The following SYCP1 variants were observed in gnomAD, a reference collection of about 807,000 sequenced individuals.
SYCP1 encodes cancer/testis antigen 8.
Under a neutral mutation model 153.1 loss-of-function variants are expected in SYCP1, and 64 were observed. The ratio of observed to expected loss-of-function variants is 0.42; its 90% CI spans 0.34 to 0.51. The LOEUF is 0.51. Among genes scored for constraint, SYCP1 ranks in the 20% least tolerant of loss-of-function variants. SYCP1 has a pLI of 0.06. For synonymous variants in SYCP1, 384 were observed against 341.8 expected (o/e 1.12, Z -1.36); for missense variants, 997 against 1,049.0 (o/e 0.95, Z 0.68).
intron 9 of SYCP1, among the ~76,000 whole-genome samples, chr1:114,875,174 A>ATGTG (rs60673306): frequency 2.0e-3 from 284 of 139,640 alleles, no homozygotes; most frequent in Middle Eastern, 3.4e-3. Flanking sequence ...TGTATTTGAT[A>ATGTG]TGTGTGTGTG....
chr1:114,989,844 T>G (rs907246980), intron 30 of SYCP1, among the ~76,000 whole-genome samples: 8 of 151,980 alleles, frequency 5.3e-5, no homozygotes, highest in Non-Finnish European at 2.9e-5. Flanking sequence ...ACAGACCTTC[T>G]AAATATATGA....
At chr1:114,994,240 G>C (rs1000921544) in intron 30 of SYCP1, among the ~76,000 whole-genome samples, 3 of 151,292 alleles carry the variant, frequency 2.0e-5, no homozygotes, top group African/African-American at 7.3e-5. Context: ...TATATATCCA[G>C]AAGTGGAATT....
At chr1:114,958,602 T>C (rs1048263720) in intron 27 of SYCP1, among the ~76,000 whole-genome samples, 3 of 151,962 alleles carry the variant, frequency 2.0e-5, no homozygotes, top group South Asian at 2.1e-4. Flanking sequence ...TAGTAATTTA[T>C]CTTTTTATTA....
At chr1:114,983,195 C>T (rs749703984) in intron 29 of SYCP1, among the ~76,000 whole-genome samples, 1 of 151,960 alleles carries the variant, frequency 6.6e-6, no homozygotes, top group Non-Finnish European at 1.5e-5. Flanking sequence ...TCAGGACCTT[C>T]CTGAGCCTAT....
At chr1:114,900,775 T>C (rs754798115) in intron 16 of SYCP1, among the ~76,000 whole-genome samples, 1 of 152,152 alleles carries the variant, frequency 6.6e-6, no homozygotes, top group Non-Finnish European at 1.5e-5. Context: ...TAATTAAGGG[T>C]GTGGTTAGTT....
In SYCP1 at chr1:114,975,817, G is replaced by A. The variant is rs546834064; in HGVS notation, c.2323-1740G>A. ...CAATGTGAAATTTGTTTACTATCTT[G>A]ATATGGAGAGAGAGATTCAAAGTTG... On this transcript the variant is annotated intron_variant, in intron 27 of 31. Coordinates refer to ENST00000369522, the MANE Select transcript of SYCP1 (RefSeq NM_003176.4). Among the ~76,000 whole-genome samples, 3 of 151,888 alleles carry A rather than the reference G, an allele frequency of 2.0e-5. No individual in the cohort carries two copies. In the South Asian group the frequency reaches 6.2e-4, roughly 31 times the overall value.
At chr1:114,873,375 C>T (rs1665290402) in intron 8 of SYCP1, among the ~76,000 whole-genome samples, 1 of 152,086 alleles carries the variant, frequency 6.6e-6, no homozygotes. Flanking sequence ...ACTCCTCAGC[C>T]CTTGCATCCC....
intron 27 of SYCP1, among the ~76,000 whole-genome samples, chr1:114,969,471 A>G (rs1456927763): frequency 6.6e-6 from 1 of 152,104 alleles, no homozygotes; most frequent in Non-Finnish European, 1.5e-5. Context: ...AGCCTCAGTA[A>G]TGGTGGACTC....
chr1:114,878,790 G>A (rs534340702), intron 12 of SYCP1, among the ~76,000 whole-genome samples: 17 of 152,238 alleles, frequency 1.1e-4, no homozygotes, highest in Admixed American at 9.2e-4. Context: ...TGGTCCACCC[G>A]CCTCAGCCTC....
intron 23 of SYCP1, among the ~76,000 whole-genome samples, chr1:114,927,627 G>A (rs1669341642): frequency 6.6e-6 from 1 of 152,064 alleles, no homozygotes; most frequent in Non-Finnish European, 1.5e-5. Context: ...GGTCCTAATA[G>A]TAGATTGAAT....
chr1:114,944,387 G>C lies in SYCP1; in HGVS notation c.1975G>C (p.Glu659Gln), dbSNP rs746684831. ...AGAAAGTGCCAAACAGAAATTTGGA[G>C]AAATCACAGACACCTATCAGAAAGA... ...ELESAKQKFG[E>Q]ITDTYQKEIE... Residue 659 changes from glutamate (E) to glutamine (Q), a missense_variant, in exon 24 of 32, where the codon GAA becomes CAA. Coordinates refer to ENST00000369522, the MANE Select transcript of SYCP1 (RefSeq NM_003176.4). 1 of 1,605,924 alleles carries C rather than the reference G, an allele frequency of 6.2e-7. No homozygotes were observed. The highest frequency in any genetic ancestry group is 1.1e-5 in the South Asian group (1 of 89,550).
chr1:114,876,008 A>T (rs1205706549), intron 9 of SYCP1, 61 bp from the exon 10 acceptor site: 1 of 1,134,212 alleles, frequency 8.8e-7, no homozygotes, highest in African/African-American at 1.6e-5. Flanking sequence ...TAATATTTTC[A>T]TAGTTTGAAG....
rs1466653803 is a variant in SYCP1, at chr1:114,995,066, T to C, written c.*47T>C. On this transcript the variant is annotated 3_prime_UTR_variant, in exon 32 of 32. Transcript: ENST00000369522. ...AAGGAGCCTAATAACGTGAAACTTA[T>C]AGTTAATATTTTGTTCTTATTTGCC... is the stretch of plus-strand genomic sequence containing the variant. 1.3e-6 allele frequency: 2 copies of C among 1,493,520 alleles called. No individual in the cohort carries two copies. Among genetic ancestry groups the C allele is most frequent in the Non-Finnish European group, 1.8e-6 (2 of 1,122,262 alleles). The allele number at this position is 1,493,520 out of a possible 1,614,324, so 92.5% of individuals were successfully genotyped here.
Position 114,878,112 on chromosome 1 carries a change from C to T in SYCP1, c.820C>T (p.Gln274Ter). ...KEKQVSLLLI[Q>*]ITEKENKMKD... ...ATTTTAGGTATCACTACTATTGATC[C>T]AAATCACTGAGAAAGAAAATAAAAT... Residue 274 changes from glutamine to a stop codon, truncating the protein, a stop_gained, in exon 12 of 32, where the codon CAA becomes TAA. Transcript: ENST00000369522. LOFTEE classifies it high-confidence loss of function. 6.4e-7 allele frequency: 1 copy of T among 1,573,868 alleles called. No homozygotes were observed. The highest frequency in any genetic ancestry group is 8.7e-7 in the Non-Finnish European group (1 of 1,151,780).
In SYCP1 at chr1:114,856,566, T is replaced by C. The variant is rs530013717; in HGVS notation, c.109-7T>C. The C allele has an allele frequency of 1.9e-6, 3 of 1,603,936 alleles. No homozygotes were observed. ...CAGAATATTTAAGAACTTCTTTGTG[T>C]CTCTAGAGTTTCAACAAATGTACTG... On this transcript the variant is annotated splice_region_variant and splice_polypyrimidine_tract_variant and intron_variant, in intron 2 of 31. Coordinates refer to ENST00000369522, the MANE Select transcript of SYCP1 (RefSeq NM_003176.4).
rs200256775 is a variant in SYCP1, at chr1:114,946,399, T to C, written c.2247+18T>C. On this transcript the variant is annotated intron_variant, in intron 26 of 31. Transcript: ENST00000369522. ...CATCTTTGGTGAGATACAGAAAAAA[T>C]TGCAGTAACGGCCAGTTTTCATAAT... The C allele has an allele frequency of 1.8e-5, 27 of 1,520,462 alleles. No individual in the cohort carries two copies. Among genetic ancestry groups the C allele is most frequent in the African/African-American group, 7.1e-5 (5 of 70,358 alleles). 94.2% of individuals were successfully genotyped at this position (1,520,462 alleles called of 1,614,324 possible). A position where few individuals can be genotyped will look rare whatever the true frequency, so the allele number is the denominator to read the frequency against.
At chr1:114,948,841 T>G (rs1296771431) in intron 27 of SYCP1, among the ~76,000 whole-genome samples, 2 of 152,214 alleles carry the variant, frequency 1.3e-5, no homozygotes, top group African/African-American at 4.8e-5. Flanking sequence ...GAAGAGGAAT[T>G]CTTCTGTGGC....
intron 30 of SYCP1, among the ~76,000 whole-genome samples, chr1:114,989,196 C>A (rs1050200307): frequency 6.6e-5 from 10 of 151,426 alleles, no homozygotes; most frequent in Admixed American, 2.0e-4. Context: ...CCAAAAAAAA[C>A]CCCAAAAACA....
At chr1:114,941,830 G>T (rs1670411774) in intron 23 of SYCP1, among the ~76,000 whole-genome samples, 1 of 151,990 alleles carries the variant, frequency 6.6e-6, no homozygotes, top group Non-Finnish European at 1.5e-5. Flanking sequence ...ACTTTTTCAT[G>T]AACAAAATTA....
Sources: allele counts gnomAD v4.1 joint callset (sites outside exome capture counted in the v4.1 genomes callset), GRCh38; gene constraint gnomAD v4.1.1; transcripts MANE v1.5; gene names NCBI Gene and HGNC (gene_info 2026-07-23, HGNC 2026-07-21).